The following GRIK2 variants were observed in gnomAD, a reference collection of about 807,000 sequenced individuals.
GRIK2 encodes glutamate ionotropic receptor kainate type subunit 2, also known as glutamate receptor ionotropic, kainate 2.
A neutral mutation model predicts 100.3 loss-of-function variants in GRIK2; 32 were observed. That is an observed-to-expected ratio of 0.32 (90% CI 0.24 to 0.43). The LOEUF (loss-of-function observed/expected upper bound fraction) is 0.43, where lower values mean the gene tolerates loss of function less well. Ranked by LOEUF, GRIK2 falls within the 20% of genes least tolerant of loss-of-function variation. The pLI is 1.00. For synonymous variants in GRIK2, 417 were observed against 389.4 expected (o/e 1.07, Z -0.83); for missense variants, 843 against 1,114.9 (o/e 0.76, Z 3.47).
chr6:101,533,487 T>G (rs572103510), intron 2 of GRIK2, among the ~76,000 whole-genome samples: 2 of 151,952 alleles, frequency 1.3e-5, no homozygotes, highest in Admixed American at 1.3e-4. Flanking sequence ...GGAGAAAGAT[T>G]TTTTTTCACA....
intron 2 of GRIK2, among the ~76,000 whole-genome samples, chr6:101,593,048 G>A (rs1356430875): frequency 6.6e-6 from 1 of 151,898 alleles, no homozygotes; most frequent in Non-Finnish European, 1.5e-5. Flanking sequence ...AACAGTTGGA[G>A]ATAAGGCTGA....
intron 2 of GRIK2, among the ~76,000 whole-genome samples, chr6:101,564,171 T>C (rs972414325): frequency 1.3e-5 from 2 of 152,210 alleles, no homozygotes; most frequent in Non-Finnish European, 2.9e-5. Flanking sequence ...TCTAGTGTTC[T>C]GCTTCATGTG....
At chr6:102,049,568 A>G (rs2114484618) in intron 15 of GRIK2, among the ~76,000 whole-genome samples, 1 of 152,216 alleles carries the variant, frequency 6.6e-6, no homozygotes, top group East Asian at 1.9e-4. Flanking sequence ...TACTTTGCTA[A>G]TGTATAATGT....
chr6:101,853,293 T>C (rs1358845934), intron 10 of GRIK2, among the ~76,000 whole-genome samples: 2 of 152,144 alleles, frequency 1.3e-5, no homozygotes, highest in African/African-American at 4.8e-5. Flanking sequence ...AAATGTCAAA[T>C]GAAAATAGTC....
intron 2 of GRIK2, among the ~76,000 whole-genome samples, chr6:101,566,279 T>C (rs1418095938): frequency 1.3e-5 from 2 of 151,956 alleles, no homozygotes; most frequent in African/African-American, 4.8e-5. Context: ...ATGTAGTGTA[T>C]ATTTTGAAAT....
In GRIK2 at chr6:101,672,028, T is replaced by C. The variant is rs1200368540; in HGVS notation, c.542-4595T>C. Among the ~76,000 whole-genome samples the C allele has an allele frequency of 2.6e-5, 4 of 152,110 alleles. No individual in the cohort carries two copies. In the East Asian group the frequency reaches 7.7e-4, roughly 29 times the overall value. On this transcript the variant is annotated intron_variant, in intron 4 of 16. Transcript: ENST00000369134. ...AGGTGTCTCATGGATCTGCTACTGATGATCGATTAGAGAGGGGCTGATACT... is the reference window on the plus strand; with the variant it reads ...AGGTGTCTCATGGATCTGCTACTGACGATCGATTAGAGAGGGGCTGATACT...
intron 7 of GRIK2, among the ~76,000 whole-genome samples, chr6:101,690,587 C>A (rs1167078447): frequency 2.0e-5 from 3 of 152,070 alleles, no homozygotes; most frequent in Non-Finnish European, 2.9e-5. Flanking sequence ...TTTTTCAGAA[C>A]TTTGCTCATG....
At chr6:101,560,286 T>A (rs1347978366) in intron 2 of GRIK2, among the ~76,000 whole-genome samples, 1 of 152,110 alleles carries the variant, frequency 6.6e-6, no homozygotes, top group Admixed American at 6.5e-5. Context: ...TTTTTATAAT[T>A]TTATAACATA....
At chr6:101,709,085 G>C (rs770484653) in intron 7 of GRIK2, among the ~76,000 whole-genome samples, 4 of 151,562 alleles carry the variant, frequency 2.6e-5, no homozygotes, top group Non-Finnish European at 4.4e-5. Context: ...AAACAGAAGA[G>C]GGAAATTGGA....
intron 2 of GRIK2, among the ~76,000 whole-genome samples, chr6:101,492,939 T>C (rs540890532): frequency 1.3e-5 from 2 of 151,844 alleles, no homozygotes; most frequent in African/African-American, 4.8e-5. Context: ...AAAAAGACTA[T>C]CAGAAATAAA....
intron 7 of GRIK2, among the ~76,000 whole-genome samples, chr6:101,765,003 T>C (rs1777954887): frequency 6.6e-6 from 1 of 152,138 alleles, no homozygotes; most frequent in African/African-American, 2.4e-5. Flanking sequence ...TGGTGCTTCA[T>C]CTATGAGGAA....
chr6:101,958,201 A>G (rs763664905), intron 14 of GRIK2, among the ~76,000 whole-genome samples: 88 of 139,340 alleles, frequency 6.3e-4, no homozygotes, highest in Admixed American at 4.1e-3. Flanking sequence ...AATGTTTTGT[A>G]TTTTTTCTTT....
chr6:101,456,308 T>C, intron 2 of GRIK2, among the ~76,000 whole-genome samples: 1 of 152,012 alleles, frequency 6.6e-6, no homozygotes, highest in Non-Finnish European at 1.5e-5. Flanking sequence ...CAGAATTAGG[T>C]ACTCACACAT....
intron 15 of GRIK2, among the ~76,000 whole-genome samples, chr6:102,047,484 T>C (rs1770953767): frequency 6.6e-6 from 1 of 152,170 alleles, no homozygotes; most frequent in African/African-American, 2.4e-5. Flanking sequence ...GTTCGGTGGC[T>C]TATGCCTGTA....
chr6:101,810,039 A>G (rs1781232844), intron 9 of GRIK2, among the ~76,000 whole-genome samples: 1 of 151,686 alleles, frequency 6.6e-6, no homozygotes, highest in African/African-American at 2.4e-5. Context: ...AATATTAAAT[A>G]TTGGCTTTTT....
At chr6:101,959,303 T>G (rs1232838058) in intron 14 of GRIK2, among the ~76,000 whole-genome samples, 1 of 152,118 alleles carries the variant, frequency 6.6e-6, no homozygotes, top group Non-Finnish European at 1.5e-5. Context: ...TATTGTCTGT[T>G]AAAGATTTCT....
At chr6:101,613,567 A>G (rs1257829909) in intron 2 of GRIK2, among the ~76,000 whole-genome samples, 3 of 151,810 alleles carry the variant, frequency 2.0e-5, no homozygotes, top group Non-Finnish European at 4.4e-5. Flanking sequence ...AATTTTAAAA[A>G]AGTACATCAC....
At chr6:102,008,030 G>A (rs1376633682) in intron 14 of GRIK2, among the ~76,000 whole-genome samples, 2 of 151,940 alleles carry the variant, frequency 1.3e-5, no homozygotes, top group African/African-American at 4.8e-5. Flanking sequence ...AAGTTAGAAG[G>A]CAGGGAAAAG....
At chr6:101,955,949 T>C (rs1037365734) in intron 14 of GRIK2, among the ~76,000 whole-genome samples, 1 of 152,110 alleles carries the variant, frequency 6.6e-6, no homozygotes, top group Non-Finnish European at 1.5e-5. Context: ...GAGTGTACTT[T>C]GCTCTTCTTT....
Sources: gnomAD v4.1 joint callset for allele counts (sites outside exome capture counted in the v4.1 genomes callset) on GRCh38, gnomAD v4.1.1 for gene constraint, MANE v1.5 for transcripts, NCBI Gene and HGNC (gene_info 2026-07-23, HGNC 2026-07-21) for gene names.